SYNE2: variants seen among roughly 807,000 people sequenced by gnomAD.
SYNE2 encodes the protein nesprin-2.
SYNE2 carries 431 observed loss-of-function variants against 856.3 expected under a neutral mutation model. The ratio of observed to expected loss-of-function variants is 0.50; its 90% CI spans 0.47 to 0.55. The LOEUF (loss-of-function observed/expected upper bound fraction) is 0.55, where lower values mean the gene tolerates loss of function less well. SYNE2 is among the 20% of genes least tolerant of loss of function. SYNE2 has a pLI of 0.00. For missense variants in SYNE2, 8,129 were observed against 8,023.2 expected (o/e 1.01, Z -0.50); for synonymous variants, 2,923 against 2,872.3 (o/e 1.02, Z -0.56).
rs755914136 is a variant in SYNE2 at position 64,210,034 on chromosome 14, G to A, written c.18633G>A (p.Thr6211=). The A allele has an allele frequency of 1.1e-5, 17 of 1,614,118 alleles. No individual in the cohort carries two copies. Among genetic ancestry groups the A allele is most frequent in the African/African-American group, 1.3e-5 (1 of 75,058 alleles). The part of the protein sequence containing the change: ...RRLARENRTD[T]ASRLKQMVHE... ...TGGCCCGGGAGAACCGCACAGACAC[G>A]GCCAGCAGGCTGAAGCAGATGGTCC... Residue 6211 remains threonine (T), a synonymous_variant, in exon 103 of 116, where the codon ACG becomes ACA. Coordinates refer to ENST00000555002, the MANE Select transcript of SYNE2 (RefSeq NM_182914.3).
chr14:64,122,937 T>G (rs1206167964), intron 70 of SYNE2, among the ~76,000 whole-genome samples: 1 of 151,954 alleles, frequency 6.6e-6, no homozygotes, highest in Non-Finnish European at 1.5e-5. Flanking sequence ...CTGTCTCTAC[T>G]AAAAATACAA....
chr14:63,775,693 G>A (rs983001107), intron 1 of SYNE2, among the ~76,000 whole-genome samples: 4 of 151,578 alleles, frequency 2.6e-5, no homozygotes, highest in East Asian at 1.9e-4. Flanking sequence ...TGATCCTCCC[G>A]CCTCAGCCTC....
intron 8 of SYNE2, chr14:63,960,730 T>A: frequency 1.3e-6 from 1 of 763,668 alleles, no homozygotes; most frequent in Non-Finnish European, 2.4e-6. Context: ...CTCCTTCACT[T>A]ATTAGATGCC....
chr14:64,167,267 A>G lies in SYNE2; in HGVS notation c.16640A>G (p.Asp5547Gly), dbSNP rs150415189. Residue 5547 changes from aspartate (D) to glycine (G), a missense_variant, in exon 91 of 116, where the codon GAT becomes GGT. Physicochemically the swap from Asp to Gly is moderately conservative, Grantham distance 94 (BLOSUM62 -1). Coordinates refer to ENST00000555002, the MANE Select transcript of SYNE2 (RefSeq NM_182914.3). ...HVLALTAQSP[D>G]IEHLNEVSLK... The stretch of plus-strand genomic sequence containing the variant: ...CTGGCACTGACAGCCCAATCACCTG[A>G]TATTGAACATTTGAATGAAGTGAGC... 40 of 1,614,212 alleles carry G rather than the reference A, an allele frequency of 2.5e-5. No homozygotes were observed. In the African/African-American group the frequency reaches 5.1e-4, roughly 20 times the overall value.
At chr14:63,794,200 C>T (rs746714634) in intron 1 of SYNE2, among the ~76,000 whole-genome samples, 1 of 152,220 alleles carries the variant, frequency 6.6e-6, no homozygotes, top group Admixed American at 6.5e-5. Context: ...GTTGTTGTTA[C>T]AGAAACTTTA....
chr14:64,225,850 T>A lies in SYNE2; in HGVS notation c.*324T>A. On this transcript the variant is annotated 3_prime_UTR_variant, in exon 116 of 116. Coordinates refer to ENST00000555002, the MANE Select transcript of SYNE2 (RefSeq NM_182914.3). ...TGGTTTGTTTGTAAAACAGCATTATTATAATGTAGGTATGGTCAATGAGCA... is the reference window on the plus strand; with the variant it reads ...TGGTTTGTTTGTAAAACAGCATTATAATAATGTAGGTATGGTCAATGAGCA... 6.9e-6 allele frequency: 4 copies of A among 579,626 alleles called. No homozygotes were observed. The East Asian group carries it at 1.1e-4, about 16-fold the overall frequency. The allele number at this position is 579,626 out of a possible 1,614,324, so 35.9% of individuals were successfully genotyped here.
At chr14:63,833,253 CTA>C (rs2139902414) in intron 1 of SYNE2, among the ~76,000 whole-genome samples, 1 of 152,086 alleles carries the variant, frequency 6.6e-6, no homozygotes, top group Non-Finnish European at 1.5e-5. Context: ...GAATCAAATT[CTA>C]TGTTACATAC....
At chr14:64,104,010 G>C (rs879853799) in intron 64 of SYNE2, among the ~76,000 whole-genome samples, 3 of 152,300 alleles carry the variant, frequency 2.0e-5, no homozygotes, top group Middle Eastern at 3.4e-3. Flanking sequence ...TTCATGAGTG[G>C]AAAGAAGCTT....
chr14:64,208,678 G>T, intron 100 of SYNE2, 80 bp from the exon 101 acceptor site: 1 of 1,463,318 alleles, frequency 6.8e-7, no homozygotes. Flanking sequence ...AGAAGGGAGG[G>T]AGGAACGGAG....
intron 66 of SYNE2, among the ~76,000 whole-genome samples, chr14:64,118,440 T>C (rs1209922220): frequency 1.3e-5 from 2 of 152,200 alleles, no homozygotes; most frequent in Admixed American, 1.3e-4. Flanking sequence ...TCTTCTATGG[T>C]GTTGTGAGAG....
intron 2 of SYNE2, among the ~76,000 whole-genome samples, chr14:63,938,175 G>A (rs575070125): frequency 6.6e-6 from 1 of 152,304 alleles, no homozygotes; most frequent in Non-Finnish European, 1.5e-5. Context: ...CCAAGAATAA[G>A]GCCAGGTGTG....
At chr14:64,205,836 T>A (rs952428938) in intron 100 of SYNE2, among the ~76,000 whole-genome samples, 2 of 152,196 alleles carry the variant, frequency 1.3e-5, no homozygotes, top group Admixed American at 6.5e-5. Flanking sequence ...CTTGTTTCTC[T>A]GTGGGGTGCC....
intron 32 of SYNE2, 29 bp downstream of exon 32, chr14:64,010,145 G>T: frequency 6.3e-7 from 1 of 1,597,632 alleles, no homozygotes; most frequent in Non-Finnish European, 8.5e-7. Flanking sequence ...AGAAAAAACT[G>T]CCCAGTGACC....
chr14:63,796,464 A>AT (rs1555339148), intron 1 of SYNE2, among the ~76,000 whole-genome samples: 5 of 151,436 alleles, frequency 3.3e-5, no homozygotes, highest in South Asian at 2.1e-4. Context: ...CTCAAAAAAA[A>AT]TTTTTGTTTT....
At chr14:64,150,815 G>A (rs1164062103) in intron 84 of SYNE2, among the ~76,000 whole-genome samples, 4 of 152,194 alleles carry the variant, frequency 2.6e-5, no homozygotes, top group East Asian at 3.8e-4. Flanking sequence ...AAATAAGGCT[G>A]TCAGGGTGTG....
At chr14:64,030,526 T>G (rs1311426433) in intron 44 of SYNE2, among the ~76,000 whole-genome samples, 1 of 152,234 alleles carries the variant, frequency 6.6e-6, no homozygotes, top group Non-Finnish European at 1.5e-5. Context: ...ATTAGTCATA[T>G]TTGTTTACGC....
chr14:63,776,957 T>C (rs749109244), intron 1 of SYNE2, among the ~76,000 whole-genome samples: 3 of 152,190 alleles, frequency 2.0e-5, no homozygotes, highest in South Asian at 2.1e-4. Flanking sequence ...CATTCTTCTA[T>C]AGGCAAACAA....
intron 18 of SYNE2, among the ~76,000 whole-genome samples, chr14:63,986,240 C>T (rs927950052): frequency 3.9e-5 from 6 of 152,100 alleles, no homozygotes; most frequent in African/African-American, 1.4e-4. Context: ...GCTAGAACTA[C>T]AGGCATGCAC....
At chr14:63,971,302 G>A (rs551890755) in intron 11 of SYNE2, among the ~76,000 whole-genome samples, 1 of 151,922 alleles carries the variant, frequency 6.6e-6, no homozygotes, top group South Asian at 2.1e-4. Flanking sequence ...TTTTTGCAGA[G>A]AAGGGGTTTC....
Sources: allele counts gnomAD v4.1 joint callset (sites outside exome capture counted in the v4.1 genomes callset), GRCh38; gene constraint gnomAD v4.1.1; transcripts MANE v1.5; gene names NCBI Gene and HGNC (gene_info 2026-07-23, HGNC 2026-07-21).